The following MAN1C1 variants were observed in gnomAD, a reference collection of about 807,000 sequenced individuals.
MAN1C1 encodes mannosyl-oligosaccharide 1,2-alpha-mannosidase IC.
A neutral mutation model predicts 71.5 loss-of-function variants in MAN1C1; 49 were observed. That is an observed-to-expected ratio of 0.69 (90% confidence interval 0.54 to 0.87). The LOEUF is 0.87. Ranked by LOEUF, MAN1C1 falls within the 40% of genes least tolerant of loss-of-function variation. The pLI is 0.00. For missense variants in MAN1C1, 743 were observed against 835.0 expected (o/e 0.89, Z 1.36); for synonymous variants, 352 against 343.7 (o/e 1.02, Z -0.27).
intron 2 of MAN1C1, among the ~76,000 whole-genome samples, chr1:25,737,106 G>A (rs756948807): frequency 2.6e-5 from 4 of 152,204 alleles, no homozygotes; most frequent in Non-Finnish European, 5.9e-5. Context: ...TCTACAGCAC[G>A]GTCAGAGGGA....
intron 1 of MAN1C1, among the ~76,000 whole-genome samples, chr1:25,674,461 A>G (rs2982314): frequency 0.43 from 65,924 of 152,106 alleles, 19,046 homozygotes; most frequent in African/African-American, 0.8. Context: ...ATAATCATGC[A>G]GGGAAATAGA....
intron 2 of MAN1C1, among the ~76,000 whole-genome samples, chr1:25,722,745 ATGTT>A (rs2046783202): frequency 6.6e-6 from 1 of 152,034 alleles, no homozygotes; most frequent in African/African-American, 2.4e-5. Flanking sequence ...TTTCCCTTAA[ATGTT>A]TGTGGCTCCT....
chr1:25,665,821 A>G (rs2124115570), intron 1 of MAN1C1, among the ~76,000 whole-genome samples: 1 of 147,626 alleles, frequency 6.8e-6, no homozygotes, highest in South Asian at 2.1e-4. Context: ...GAAAGGTCAC[A>G]CTAGTGGAAT....
intron 1 of MAN1C1, among the ~76,000 whole-genome samples, chr1:25,673,061 A>G (rs1374469940): frequency 1.3e-5 from 2 of 152,104 alleles, no homozygotes; most frequent in East Asian, 3.9e-4. Flanking sequence ...GGGAGGGGGA[A>G]AGGAGGTGAG....
At chr1:25,619,765 T>C (rs1432765375) in intron 1 of MAN1C1, among the ~76,000 whole-genome samples, 1 of 152,214 alleles carries the variant, frequency 6.6e-6, no homozygotes, top group East Asian at 1.9e-4. Context: ...GTTAAGGAAC[T>C]ACGCTGTTGA....
chr1:25,635,438 C>CTTTTT (rs747915977), intron 1 of MAN1C1, among the ~76,000 whole-genome samples: 13 of 131,500 alleles, frequency 9.9e-5, no homozygotes, highest in Admixed American at 2.3e-4. Context: ...TTCTTTCTTT[C>CTTTTT]TTTTTTTTTT....
chr1:25,682,339 A>G (rs751511467), intron 1 of MAN1C1, among the ~76,000 whole-genome samples: 1 of 152,340 alleles, frequency 6.6e-6, no homozygotes, highest in East Asian at 1.9e-4. Context: ...TCCTTACAGC[A>G]TGGAATGATA....
At chr1:25,676,296 A>C (rs562573097) in intron 1 of MAN1C1, among the ~76,000 whole-genome samples, 24 of 152,042 alleles carry the variant, frequency 1.6e-4, no homozygotes, top group African/African-American at 5.8e-4. Flanking sequence ...GTAAACCCGA[A>C]ACTGAGAGGG....
chr1:25,702,121 A>G (rs61604260), intron 2 of MAN1C1, among the ~76,000 whole-genome samples: 23,030 of 152,116 alleles, frequency 0.15, 3,343 homozygotes, highest in African/African-American at 0.37. Context: ...CCAAACCAAG[A>G]AGGATAAAAT....
At chr1:25,739,096 G>A (rs2047022039) in intron 2 of MAN1C1, among the ~76,000 whole-genome samples, 1 of 152,110 alleles carries the variant, frequency 6.6e-6, no homozygotes, top group African/African-American at 2.4e-5. Flanking sequence ...TCACACCACT[G>A]CACTCCAGCC....
Position 25,776,854 on chromosome 1 carries a change from G to C in MAN1C1, c.1258-1251G>C, listed in dbSNP as rs570314564. 3.3e-5 allele frequency among the ~76,000 whole-genome samples: 5 copies of C among 152,270 alleles called. 1 individual carries two copies. Among genetic ancestry groups the C allele is most frequent in the African/African-American group, 1.2e-4 (5 of 41,544 alleles). ...TTAGTGGGGACTCGCTCTGTGCTGG[G>C]AAATAGGCCAAGTCCTGCAGGCATA... On this transcript the variant is annotated intron_variant, in intron 8 of 11. Transcript: ENST00000374332. This position sits in a 1 kb window ranked among gnomAD's most constrained non-coding sequence, Gnocchi z 4.3.
At chr1:25,741,547 A>G (rs2124325999) in intron 2 of MAN1C1, among the ~76,000 whole-genome samples, 1 of 152,262 alleles carries the variant, frequency 6.6e-6, no homozygotes, top group East Asian at 1.9e-4. Context: ...TGTGGGGAGG[A>G]CACAGATGCA....
At chr1:25,647,950 G>A (rs2045638935) in intron 1 of MAN1C1, among the ~76,000 whole-genome samples, 1 of 152,158 alleles carries the variant, frequency 6.6e-6, no homozygotes, top group African/African-American at 2.4e-5. Flanking sequence ...AGGTGCTGCA[G>A]GGCTATCCTC....
chr1:25,745,347 T>C (rs2047114149), intron 2 of MAN1C1, among the ~76,000 whole-genome samples: 2 of 139,772 alleles, frequency 1.4e-5, no homozygotes, highest in African/African-American at 5.2e-5. Flanking sequence ...TTTTTTTTTT[T>C]AATGGAAATA....
chr1:25,777,028 C>T (rs944808310), intron 8 of MAN1C1, among the ~76,000 whole-genome samples: 4 of 152,214 alleles, frequency 2.6e-5, no homozygotes, highest in African/African-American at 9.7e-5. Flanking sequence ...CCTGATGAGT[C>T]TGTGCCCCAG....
chr1:25,723,482 G>T (rs766574961), intron 2 of MAN1C1, among the ~76,000 whole-genome samples: 23 of 152,292 alleles, frequency 1.5e-4, no homozygotes, highest in Non-Finnish European at 2.8e-4. Flanking sequence ...TCTTGGCTTT[G>T]CTGAGTCAGC....
intron 2 of MAN1C1, among the ~76,000 whole-genome samples, chr1:25,726,494 C>T (rs1029215894): frequency 6.6e-6 from 1 of 152,112 alleles, no homozygotes; most frequent in Non-Finnish European, 1.5e-5. Flanking sequence ...GTGTGGTGAC[C>T]AGCATGTGTG....
At chr1:25,664,665 G>C (rs2045896522) in intron 1 of MAN1C1, among the ~76,000 whole-genome samples, 1 of 152,188 alleles carries the variant, frequency 6.6e-6, no homozygotes, top group Non-Finnish European at 1.5e-5. Flanking sequence ...CTTGGCCTTG[G>C]CTACAGAGTG....
chr1:25,626,110 G>C (rs534880824), intron 1 of MAN1C1, among the ~76,000 whole-genome samples: 1 of 152,308 alleles, frequency 6.6e-6, no homozygotes, highest in Non-Finnish European at 1.5e-5. Context: ...ATAACTAGGG[G>C]TGGAATTACT....
Sources: allele counts gnomAD v4.1 joint callset (sites outside exome capture counted in the v4.1 genomes callset), GRCh38; gene constraint gnomAD v4.1.1; non-coding constraint Gnocchi (gnomAD v3.1); transcripts MANE v1.5; gene names NCBI Gene and HGNC (gene_info 2026-07-23, HGNC 2026-07-21).